The following EIF5B variants were observed in gnomAD, a reference collection of about 807,000 sequenced individuals.
EIF5B encodes the protein eIF-5B.
EIF5B carries 47 observed loss-of-function variants against 147.5 expected under a neutral mutation model. That is an observed-to-expected ratio of 0.32 (90% confidence interval 0.25 to 0.41). The LOEUF (loss-of-function observed/expected upper bound fraction) is 0.41, where lower values mean the gene tolerates loss of function less well. Ranked by LOEUF, EIF5B falls within the 10% of genes least tolerant of loss-of-function variation. EIF5B has a pLI of 1.00. For synonymous variants in EIF5B, 455 were observed against 456.2 expected, an observed-to-expected ratio of 1.00 and a Z score of 0.03; for missense variants, 1,064 against 1,413.2, an observed-to-expected ratio of 0.75 and a Z score of 3.96.
chr2:99,392,886 A>G, intron 17 of EIF5B, 81 bp from the exon 18 acceptor site: 1 of 1,249,510 alleles, frequency 8.0e-7, no homozygotes. Flanking sequence ...CTCTAATATC[A>G]TGATGAGATT....
At chr2:99,378,668 A>G (rs1674611455) in intron 10 of EIF5B, among the ~76,000 whole-genome samples, 1 of 152,226 alleles carries the variant, frequency 6.6e-6, no homozygotes, top group Non-Finnish European at 1.5e-5. Context: ...TCAGGGTTGC[A>G]CTATATAGTC....
chr2:99,390,980 A>G (rs1051369997), intron 17 of EIF5B, among the ~76,000 whole-genome samples: 2 of 152,208 alleles, frequency 1.3e-5, no homozygotes, highest in Admixed American at 6.5e-5. Context: ...CTTGAACAAC[A>G]TGAGGGCTAG....
chr2:99,394,144 A>G (rs1358645826), intron 18 of EIF5B, 123 bp from the exon 19 acceptor site: 58 of 1,303,136 alleles, frequency 4.5e-5, no homozygotes, highest in South Asian at 1.1e-4. Flanking sequence ...GCCTTGCTCT[A>G]TCTAAGCCTT....
chr2:99,395,079 C>G (rs554999148), intron 21 of EIF5B, among the ~76,000 whole-genome samples, 196 bp downstream of exon 21: 1 of 152,316 alleles, frequency 6.6e-6, no homozygotes, highest in Admixed American at 6.5e-5. Context: ...CAAGTCTTGT[C>G]TGTGACTTCA....
At chr2:99,350,701 A>G (rs188175468) in intron 1 of EIF5B, among the ~76,000 whole-genome samples, 4 of 152,168 alleles carry the variant, frequency 2.6e-5, no homozygotes, top group East Asian at 1.9e-4. Context: ...CTCCCGTTCT[A>G]TAGGCTGTCT....
At chr2:99,392,187 T>G (rs925625807) in intron 17 of EIF5B, among the ~76,000 whole-genome samples, 3 of 151,734 alleles carry the variant, frequency 2.0e-5, no homozygotes, top group African/African-American at 7.3e-5. Flanking sequence ...TGAGATGGAG[T>G]CTCAGTCTGT....
intron 10 of EIF5B, among the ~76,000 whole-genome samples, chr2:99,377,063 G>A (rs1574933754): frequency 6.6e-6 from 1 of 152,084 alleles, no homozygotes; most frequent in Non-Finnish European, 1.5e-5. Flanking sequence ...AGTAAAGTCC[G>A]ATACCTGATA....
At chr2:99,368,376 C>T (rs1674372496) in intron 6 of EIF5B, 117 bp from the exon 7 acceptor site, 2 of 732,798 alleles carry the variant, frequency 2.7e-6, no homozygotes, top group Non-Finnish European at 2.3e-6. Context: ...CCATGAATAT[C>T]CTTTCATATT....
chr2:99,378,309 T>C (rs1674604430), intron 10 of EIF5B, among the ~76,000 whole-genome samples: 1 of 152,194 alleles, frequency 6.6e-6, no homozygotes, highest in Non-Finnish European at 1.5e-5. Context: ...TTTACTGTAT[T>C]TGAGAGGTCA....
intron 1 of EIF5B, among the ~76,000 whole-genome samples, chr2:99,353,255 C>T (rs1208854060): frequency 2.6e-5 from 4 of 151,948 alleles, no homozygotes; most frequent in Non-Finnish European, 4.4e-5. Context: ...CCTTGTGATC[C>T]GCCAGCCTCG....
At chr2:99,369,716 T>C (rs1042746022) in intron 8 of EIF5B, among the ~76,000 whole-genome samples, 1 of 152,234 alleles carries the variant, frequency 6.6e-6, no homozygotes, top group African/African-American at 2.4e-5. Flanking sequence ...GAAAATGTTT[T>C]GTAGAAAGGA....
chr2:99,400,758 G>A lies in EIF5B; in HGVS notation c.*1344G>A, dbSNP rs1675268296. ...TAACATGCTCCTGTGTTCATGCTTG[G>A]AGACAAGAATAAGATGGTTTAGAAG... On this transcript the variant is annotated 3_prime_UTR_variant, in exon 24 of 24. Coordinates refer to ENST00000289371, the MANE Select transcript of EIF5B (RefSeq NM_015904.4). 6.6e-6 allele frequency: 1 copy of A among 152,654 alleles called. No homozygotes were observed. Among genetic ancestry groups the A allele is most frequent in the African/African-American group, 2.4e-5 (1 of 41,454 alleles). The allele number at this position is 152,654 out of a possible 1,614,324, so 9.5% of individuals were successfully genotyped here. A position where few individuals can be genotyped will look rare whatever the true frequency, so the allele number is the denominator to read the frequency against.
chr2:99,376,322 T>C (rs903019725), intron 9 of EIF5B, 25 bp from the exon 10 acceptor site: 15 of 1,299,220 alleles, frequency 1.2e-5, no homozygotes, highest in Non-Finnish European at 1.6e-5. Flanking sequence ...TGTTTATTTA[T>C]TTAAAAATAT....
intron 4 of EIF5B, among the ~76,000 whole-genome samples, chr2:99,363,096 A>G (rs1674254608): frequency 6.6e-6 from 1 of 152,114 alleles, no homozygotes. Context: ...ATCTGGATAT[A>G]TTCGAGGAGG....
rs1185495840 is a variant in EIF5B, at chr2:99,400,014, AATC to A, written c.*605_*607del. The A allele has an allele frequency of 6.6e-6, 1 of 152,476 alleles. No homozygotes were observed. Among genetic ancestry groups the A allele is most frequent in the Non-Finnish European group, 1.5e-5 (1 of 68,096 alleles). 9.4% of individuals were successfully genotyped at this position (152,476 alleles called of 1,614,324 possible). A position where few individuals can be genotyped will look rare whatever the true frequency, so the allele number is the denominator to read the frequency against. Reference sequence around the variant, plus strand: ...GCTTGTGTAGTCACGAGTCCATTGTAATCATCACAATTCTAAACCAAACTACCA... The same window carrying A: ...GCTTGTGTAGTCACGAGTCCATTGTAATCACAATTCTAAACCAAACTACCA... On this transcript the variant is annotated 3_prime_UTR_variant, in exon 24 of 24. Transcript: ENST00000289371.
intron 12 of EIF5B, 76 bp downstream of exon 12, chr2:99,379,504 G>T: frequency 8.7e-7 from 1 of 1,146,490 alleles, no homozygotes; most frequent in Non-Finnish European, 1.2e-6. Context: ...ATAGAAAAAG[G>T]ACAGAGACTA....
rs1325505389 is a variant in EIF5B at position 99,379,175 on chromosome 2, G to A, written c.1950+49G>A. 4.7e-6 allele frequency: 7 copies of A among 1,499,818 alleles called. No homozygotes were observed. The East Asian group carries it at 1.4e-4, about 30-fold the overall frequency. The allele number at this position is 1,499,818 out of a possible 1,614,324, so 92.9% of individuals were successfully genotyped here. A position where few individuals can be genotyped will look rare whatever the true frequency, so the allele number is the denominator to read the frequency against. On this transcript the variant is annotated intron_variant, in intron 11 of 23. Coordinates refer to ENST00000289371, the MANE Select transcript of EIF5B (RefSeq NM_015904.4). ...ATAGAACTTTGAAAATAAGTGAATG[G>A]TACCTTATAAAAAAAAACTTTAGAG...
chr2:99,365,046 A>G (rs1193061904), intron 6 of EIF5B, among the ~76,000 whole-genome samples: 1 of 152,168 alleles, frequency 6.6e-6, no homozygotes, highest in East Asian at 1.9e-4. Flanking sequence ...TACTTTTTTG[A>G]AAGGTAAGGT....
chr2:99,346,567 T>C (rs2094273754), intron 1 of EIF5B, among the ~76,000 whole-genome samples: 1 of 151,322 alleles, frequency 6.6e-6, no homozygotes, highest in South Asian at 2.1e-4. Context: ...TGATTAGTTA[T>C]TTTAGAACAT....
Sources: gnomAD v4.1 joint callset for allele counts (sites outside exome capture counted in the v4.1 genomes callset) on GRCh38, gnomAD v4.1.1 for gene constraint, MANE v1.5 for transcripts, NCBI Gene and HGNC (gene_info 2026-07-23, HGNC 2026-07-21) for gene names.